Variants in SOS1 observed in about 807,000 individuals in gnomAD.
SOS1 encodes the protein son of sevenless homolog 1.
A neutral mutation model predicts 157.6 loss-of-function variants in SOS1; 25 were observed. The ratio of observed to expected loss-of-function variants is 0.16; its 90% CI spans 0.12 to 0.22. SOS1 has a LOEUF of 0.22. Ranked by LOEUF, SOS1 falls within the 10% of genes least tolerant of loss-of-function variation. The pLI is 1.00. For missense variants in SOS1, 1,237 were observed against 1,599.1 expected, an observed-to-expected ratio of 0.77 and a Z score of 3.86; for synonymous variants, 528 against 534.0, an observed-to-expected ratio of 0.99 and a Z score of 0.16.
intron 8 of SOS1, among the ~76,000 whole-genome samples, chr2:39,029,537 T>A (rs1423860791): frequency 6.6e-6 from 1 of 151,904 alleles, no homozygotes; most frequent in East Asian, 1.9e-4. Flanking sequence ...GGTAGGTGGA[T>A]TAATTGAGCC....
intron 1 of SOS1, among the ~76,000 whole-genome samples, chr2:39,090,329 T>C (rs1407825449): frequency 6.6e-6 from 1 of 152,136 alleles, no homozygotes; most frequent in Non-Finnish European, 1.5e-5. Context: ...TTCTCTTCTT[T>C]GTGGGGGCTG....
chr2:39,062,403 G>C (rs904559257), intron 2 of SOS1, among the ~76,000 whole-genome samples: 4 of 145,818 alleles, frequency 2.7e-5, no homozygotes, highest in Non-Finnish European at 6.0e-5. Flanking sequence ...GGGTGACAGA[G>C]GGAGTCTCTG....
In SOS1 at chr2:39,092,128, C is replaced by T. The variant is rs149747031; in HGVS notation, c.88-24375G>A. Among the ~76,000 whole-genome samples the T allele has an allele frequency of 7.6e-3, 1,151 of 152,272 alleles. 7 individuals carry two copies. Among genetic ancestry groups the T allele is most frequent in the Middle Eastern group, 0.014 (4 of 294 alleles). ...TGCTAAAGCCCTACATGAAGTGGTC[C>T]CTGTCTCTGTCTCCAAACGTAATTT... On this transcript the variant is annotated intron_variant, in intron 1 of 22. Transcript: ENST00000402219.
intron 1 of SOS1, among the ~76,000 whole-genome samples, chr2:39,100,084 T>C (rs297154): frequency 0.093 from 14,082 of 152,198 alleles, 780 homozygotes; most frequent in African/African-American, 0.15. Flanking sequence ...CTCAACATCA[T>C]TAATCATCAG....
At chr2:39,056,978 C>G in intron 3 of SOS1, 112 bp from the exon 4 acceptor site, 1 of 752,446 alleles carries the variant, frequency 1.3e-6, no homozygotes, top group South Asian at 1.5e-5. Flanking sequence ...TTCCTGAGGC[C>G]TGTGCTTACC....
chr2:39,052,752 C>CA (rs1359062713), intron 5 of SOS1, among the ~76,000 whole-genome samples: 1 of 152,186 alleles, frequency 6.6e-6, no homozygotes, highest in Non-Finnish European at 1.5e-5. Context: ...CCGCTATGAA[C>CA]ATTCATGAAC....
intron 5 of SOS1, 95 bp from the exon 6 acceptor site, chr2:39,051,382 T>A: frequency 1.8e-6 from 2 of 1,118,114 alleles, no homozygotes; most frequent in Non-Finnish European, 2.7e-6. Flanking sequence ...TCACAAAATT[T>A]AACATGTCAG....
At chr2:39,117,537 G>A (rs1673699106) in intron 1 of SOS1, among the ~76,000 whole-genome samples, 1 of 152,202 alleles carries the variant, frequency 6.6e-6, no homozygotes, top group Admixed American at 6.5e-5. Context: ...AATCCAGTCA[G>A]AAAAGCAGGA....
intron 6 of SOS1, among the ~76,000 whole-genome samples, chr2:39,050,498 TTGAG>T (rs1206879053): frequency 6.6e-6 from 1 of 152,174 alleles, no homozygotes; most frequent in African/African-American, 2.4e-5. Context: ...AGATTACAGA[TTGAG>T]TATCTCTTAC....
At chr2:39,062,999 C>T (rs1049250971) in intron 2 of SOS1, among the ~76,000 whole-genome samples, 3 of 152,124 alleles carry the variant, frequency 2.0e-5, no homozygotes, top group African/African-American at 7.2e-5. Context: ...ATATATAATA[C>T]AGTTGGCCTT....
intron 1 of SOS1, among the ~76,000 whole-genome samples, chr2:39,068,844 CT>C (rs1053123721): frequency 1.6e-4 from 24 of 152,066 alleles, no homozygotes; most frequent in Non-Finnish European, 2.9e-4. Context: ...CCCTTTGTTC[CT>C]CCCTAAATAA....
chr2:39,079,113 T>A (rs1483409248), intron 1 of SOS1, among the ~76,000 whole-genome samples: 1 of 1,790 alleles, frequency 5.6e-4, no homozygotes, highest in Non-Finnish European at 1.6e-3. Context: ...ATTATAGAAC[T>A]CTTATATGTG....
intron 8 of SOS1, among the ~76,000 whole-genome samples, chr2:39,025,361 T>C (rs1000650824): frequency 1.1e-4 from 17 of 152,154 alleles, no homozygotes; most frequent in Admixed American, 1.1e-3. Context: ...TTTTTCTTTT[T>C]TTTTTTTAGA....
intron 1 of SOS1, among the ~76,000 whole-genome samples, chr2:39,086,154 G>A (rs1009084681): frequency 7.0e-4 from 106 of 152,316 alleles, no homozygotes; most frequent in African/African-American, 2.5e-3. Flanking sequence ...GCTACTAAAT[G>A]GGTGCCTAAG....
intron 1 of SOS1, among the ~76,000 whole-genome samples, chr2:39,077,654 A>C (rs1018248007): frequency 6.6e-6 from 1 of 152,186 alleles, no homozygotes; most frequent in Non-Finnish European, 1.5e-5. Flanking sequence ...AGACCACCGT[A>C]ATGGAGAGCT....
chr2:39,016,060 C>G (rs1165900560), intron 10 of SOS1, among the ~76,000 whole-genome samples: 2 of 151,882 alleles, frequency 1.3e-5, no homozygotes, highest in Non-Finnish European at 2.9e-5. Context: ...TAGGCTGATT[C>G]TCACTAAGAC....
intron 1 of SOS1, among the ~76,000 whole-genome samples, chr2:39,108,403 T>A (rs1673284865): frequency 6.6e-6 from 1 of 152,196 alleles, no homozygotes; most frequent in African/African-American, 2.4e-5. Flanking sequence ...TGCAATAATT[T>A]GATTCACACG....
At chr2:39,091,590 GAA>G (rs11413394) in intron 1 of SOS1, among the ~76,000 whole-genome samples, 4 of 137,956 alleles carry the variant, frequency 2.9e-5, no homozygotes, top group Admixed American at 2.2e-4. Context: ...AAAAGAACTC[GAA>G]AAAAAAAAAA....
intron 10 of SOS1, 86 bp downstream of exon 10, chr2:39,022,484 T>C (rs1185090158): frequency 9.7e-7 from 1 of 1,026,892 alleles, no homozygotes; most frequent in Non-Finnish European, 1.5e-6. Context: ...GTTTCTTTTC[T>C]ATTTTAGGCA....
Sources: gnomAD v4.1 joint callset for allele counts (sites outside exome capture counted in the v4.1 genomes callset) on GRCh38, gnomAD v4.1.1 for gene constraint, MANE v1.5 for transcripts, NCBI Gene and HGNC (gene_info 2026-07-23, HGNC 2026-07-21) for gene names.